Variants in TRIM23 observed in about 807,000 individuals in gnomAD.
TRIM23 encodes E3 ubiquitin-protein ligase TRIM23.
TRIM23 carries 27 observed loss-of-function variants against 71.0 expected under a neutral mutation model. That is an observed-to-expected ratio of 0.38 (90% confidence interval 0.28 to 0.52). TRIM23 has a LOEUF of 0.52. Ranked by LOEUF, TRIM23 falls within the 20% of genes least tolerant of loss-of-function variation. The pLI, the probability that TRIM23 is intolerant of heterozygous loss-of-function variation, is 0.84. For synonymous variants in TRIM23, 234 were observed against 238.0 expected (o/e 0.98, Z 0.16); for missense variants, 482 against 692.3 (o/e 0.70, Z 3.41).
Position 65,591,747 on chromosome 5 carries a change from C to A in TRIM23, c.*22G>T, listed in dbSNP as rs1213315239. ...AAAGTTACTTTTAACCACAAAACTTCAAACAACTGCTGCCTTTAAAATCAA... is the reference window on the plus strand; with the variant it reads ...AAAGTTACTTTTAACCACAAAACTTAAAACAACTGCTGCCTTTAAAATCAA... On this transcript the variant is annotated 3_prime_UTR_variant, in exon 11 of 11. Transcript: ENST00000231524. The A allele has an allele frequency of 1.3e-6, 2 of 1,585,252 alleles. No individual in the cohort carries two copies.
intron 7 of TRIM23, among the ~76,000 whole-genome samples, chr5:65,599,334 G>C (rs1398314013): frequency 6.6e-6 from 1 of 152,106 alleles, no homozygotes; most frequent in Non-Finnish European, 1.5e-5. Context: ...TACTTTCAGG[G>C]ATCATTTTTA....
chr5:65,615,098 G>A lies in TRIM23; in HGVS notation c.245-879C>T, dbSNP rs1051746247. On this transcript the variant is annotated intron_variant, in intron 2 of 10. Coordinates refer to ENST00000231524, the MANE Select transcript of TRIM23 (RefSeq NM_001656.4). ...TATATTTTGGTAGAGATGGGGTTTCGCCATGCTGGTCAGGCCGGTCTCAAA... is the reference window on the plus strand; with the variant it reads ...TATATTTTGGTAGAGATGGGGTTTCACCATGCTGGTCAGGCCGGTCTCAAA... Among the ~76,000 whole-genome samples, 13 of 151,688 alleles carry A rather than the reference G, an allele frequency of 8.6e-5. No individual in the cohort carries two copies. In the East Asian group the frequency reaches 2.3e-3, roughly 27 times the overall value.
intron 6 of TRIM23, among the ~76,000 whole-genome samples, chr5:65,605,591 T>C (rs165980): frequency 0.38 from 57,445 of 152,024 alleles, 11,133 homozygotes; most frequent in African/African-American, 0.45. Context: ...CTATGTTCTA[T>C]GTCTATAAAA....
intron 8 of TRIM23, 31 bp from the exon 9 acceptor site, chr5:65,596,562 A>G (rs930668263): frequency 7.6e-7 from 1 of 1,311,938 alleles, no homozygotes; most frequent in African/African-American, 1.5e-5. Flanking sequence ...CTTTTATACT[A>G]TATTTGTATT....
chr5:65,601,346 A>C (rs1223174449), intron 7 of TRIM23, among the ~76,000 whole-genome samples: 2 of 152,202 alleles, frequency 1.3e-5, no homozygotes, highest in African/African-American at 4.8e-5. Flanking sequence ...GGGAAGAAAA[A>C]GAGGTTTAAT....
At chr5:65,622,234 C>G (rs189977779) in intron 1 of TRIM23, among the ~76,000 whole-genome samples, 2 of 152,252 alleles carry the variant, frequency 1.3e-5, no homozygotes, top group Non-Finnish European at 2.9e-5. Context: ...GGCACAAACT[C>G]AGCTCACTGC....
Position 65,616,942 on chromosome 5 carries a change from G to A in TRIM23, c.244+1151C>T, listed in dbSNP as rs534020209. On this transcript the variant is annotated intron_variant, in intron 2 of 10. Transcript: ENST00000231524. ...TCACCATTTTGGCCAGGCTGGCCTT[G>A]AACTCCTGACTTCAGGTGATCCACC... Among the ~76,000 whole-genome samples, 112 of 152,242 alleles carry A rather than the reference G, an allele frequency of 7.4e-4. No homozygotes were observed. In the Middle Eastern group the frequency reaches 0.02, roughly 28 times the overall value.
chr5:65,614,333 A>T (rs980453172), intron 2 of TRIM23, 114 bp from the exon 3 acceptor site: 2 of 1,041,610 alleles, frequency 1.9e-6, no homozygotes, highest in Non-Finnish European at 2.8e-6. Context: ...CTAAATTTTT[A>T]AAATTCAAAT....
At chr5:65,609,049 T>C (rs554892103) in intron 6 of TRIM23, among the ~76,000 whole-genome samples, 194 bp downstream of exon 6, 1 of 152,176 alleles carries the variant, frequency 6.6e-6, no homozygotes, top group East Asian at 1.9e-4. Context: ...CCATGGCTTA[T>C]GGTGGGAAAG....
chr5:65,592,847 A>G (rs1445106814), intron 10 of TRIM23, among the ~76,000 whole-genome samples: 1 of 152,220 alleles, frequency 6.6e-6, no homozygotes, highest in African/African-American at 2.4e-5. Flanking sequence ...ATTATTTTTA[A>G]TATCAGAATT....
rs1754662211 is a variant in TRIM23, at chr5:65,611,971, T to C, written c.367-90A>G. The C allele has an allele frequency of 1.5e-5, 19 of 1,243,222 alleles. 1 individual carries two copies. In the South Asian group the frequency reaches 2.9e-4, roughly 19 times the overall value. 77.0% of individuals were successfully genotyped at this position (1,243,222 alleles called of 1,614,324 possible). A position where few individuals can be genotyped will look rare whatever the true frequency, so the allele number is the denominator to read the frequency against. Reference sequence around the variant, plus strand: ...ATATAGAATCCATAATCCTTTTTGCTTAACTGAACAATATTTACATATGAA... The same window carrying C: ...ATATAGAATCCATAATCCTTTTTGCCTAACTGAACAATATTTACATATGAA... On this transcript the variant is annotated intron_variant, in intron 3 of 10. Coordinates refer to ENST00000231524, the MANE Select transcript of TRIM23 (RefSeq NM_001656.4).
intron 10 of TRIM23, 90 bp from the exon 11 acceptor site, chr5:65,592,038 G>T: frequency 7.9e-7 from 1 of 1,268,300 alleles, no homozygotes; most frequent in Non-Finnish European, 1.1e-6. Context: ...TGTTGACAGT[G>T]TTCTAACAGA....
At chr5:65,603,398 A>G (rs1754412510) in intron 7 of TRIM23, among the ~76,000 whole-genome samples, 1 of 152,204 alleles carries the variant, frequency 6.6e-6, no homozygotes. Flanking sequence ...ACTGCTACAG[A>G]GTGATGTTTA....
chr5:65,617,619 C>T (rs539953418), intron 2 of TRIM23, among the ~76,000 whole-genome samples: 1 of 152,270 alleles, frequency 6.6e-6, no homozygotes, highest in South Asian at 2.1e-4. Context: ...CCTTCAAACT[C>T]ATTTTAACAG....
At chr5:65,623,923 G>A (rs1406931546) in intron 1 of TRIM23, among the ~76,000 whole-genome samples, 1 of 152,190 alleles carries the variant, frequency 6.6e-6, no homozygotes, top group African/African-American at 2.4e-5. Context: ...AGAGGACCTG[G>A]AGAAAAGACC....
At chr5:65,609,964 T>C (rs1011127440) in intron 5 of TRIM23, among the ~76,000 whole-genome samples, 5 of 152,172 alleles carry the variant, frequency 3.3e-5, no homozygotes, top group African/African-American at 1.2e-4. Context: ...CTCTCTTTCA[T>C]AGCCCACTAG....
At position 65,590,719 on chromosome 5, in the gene TRIM23, A is replaced by G. The variant is rs10699; in HGVS notation, c.*1050T>C. The G allele has an allele frequency of 0.3, 298,076 of 983,290 alleles. 45,815 individuals are homozygous for G. Among genetic ancestry groups the G allele is most frequent in the African/African-American group, 0.38 (21,417 of 57,096 alleles). 60.9% of individuals were successfully genotyped at this position (983,290 alleles called of 1,614,324 possible). ...CTTTAGACATTTTTCCTCTAGAGTA[A>G]CTTTTCAAGGCCTTCTCATGAACAG... On this transcript the variant is annotated 3_prime_UTR_variant, in exon 11 of 11. Transcript: ENST00000231524.
chr5:65,608,873 A>T (rs1050206734), intron 6 of TRIM23, among the ~76,000 whole-genome samples: 4 of 151,890 alleles, frequency 2.6e-5, no homozygotes, highest in Non-Finnish European at 1.5e-5. Context: ...AAAGGCAAAT[A>T]TTTAAGCTGG....
At chr5:65,603,643 G>T (rs959367170) in intron 7 of TRIM23, among the ~76,000 whole-genome samples, 2 of 152,028 alleles carry the variant, frequency 1.3e-5, no homozygotes, top group African/African-American at 4.8e-5. Flanking sequence ...TTGAACATTT[G>T]ACTCTGGATC....
Sources: gnomAD v4.1 joint callset for allele counts (sites outside exome capture counted in the v4.1 genomes callset) on GRCh38, gnomAD v4.1.1 for gene constraint, MANE v1.5 for transcripts, NCBI Gene and HGNC (gene_info 2026-07-23, HGNC 2026-07-21) for gene names.